Variants in MAP3K20 observed in about 807,000 individuals in gnomAD.
MAP3K20 encodes HCCS-4.
A neutral mutation model predicts 85.7 loss-of-function variants in MAP3K20; 40 were observed. The ratio of observed to expected loss-of-function variants is 0.47; its 90% CI spans 0.36 to 0.61. The LOEUF (loss-of-function observed/expected upper bound fraction) is 0.61, where lower values mean the gene tolerates loss of function less well. Among genes scored for constraint, MAP3K20 ranks in the 20% least tolerant of loss-of-function variants. The pLI is 0.00. For missense variants in MAP3K20, 817 were observed against 961.7 expected (o/e 0.85, Z 1.99); for synonymous variants, 325 against 327.7 (o/e 0.99, Z 0.09).
chr2:173,084,618 C>T (rs1203675382), intron 1 of MAP3K20, among the ~76,000 whole-genome samples: 1 of 151,950 alleles, frequency 6.6e-6, no homozygotes, highest in Non-Finnish European at 1.5e-5. Flanking sequence ...TCAATAGCAC[C>T]TTTATTTGTT....
Position 173,258,863 on chromosome 2 carries a change from C to T in MAP3K20, c.1476+48C>T, listed in dbSNP as rs1230996082. ...AAAGCTCTTTTGAATTCACAGATAT[C>T]AAACAAAGACATTAAAATACCCCAG... On this transcript the variant is annotated intron_variant, in intron 17 of 19. Transcript: ENST00000375213. 3 of 1,185,132 alleles carry T rather than the reference C, an allele frequency of 2.5e-6. No individual in the cohort carries two copies. The South Asian group carries it at 3.7e-5, about 15-fold the overall frequency. 73.4% of individuals were successfully genotyped at this position (1,185,132 alleles called of 1,614,324 possible). A position where few individuals can be genotyped will look rare whatever the true frequency, so the allele number is the denominator to read the frequency against.
At chr2:173,203,710 A>G in intron 8 of MAP3K20, 86 bp from the exon 9 acceptor site, 1 of 1,040,164 alleles carries the variant, frequency 9.6e-7, no homozygotes, top group East Asian at 2.4e-5. Flanking sequence ...AAATAACTCT[A>G]TTATGACCCT....
chr2:173,185,044 C>T (rs952473876), intron 4 of MAP3K20, among the ~76,000 whole-genome samples: 2 of 152,108 alleles, frequency 1.3e-5, no homozygotes, highest in African/African-American at 4.8e-5. Context: ...GAGTTCAAAA[C>T]CAGCCTGACC....
At chr2:173,076,026 G>C (rs1686842484) in intron 1 of MAP3K20, 24 bp downstream of exon 1, 1 of 983,904 alleles carries the variant, frequency 1.0e-6, no homozygotes, top group Admixed American at 6.2e-5. Context: ...TGGAGCCCGC[G>C]GAGGGCGGGG....
At chr2:173,224,831 TA>T in intron 11 of MAP3K20, 1 of 984,914 alleles carries the variant, frequency 1.0e-6, no homozygotes. Context: ...CTATTAATTT[TA>T]AAAGGAATAT....
Position 173,094,725 on chromosome 2 carries a change from A to G in MAP3K20, c.159+3535A>G, listed in dbSNP as rs79902752. Reference sequence around the variant, plus strand: ...TATGTAGTTTTGGCAGGAAAACTACATAGGTTGTGTGTCCTTGGTGTGTCT... The same window carrying G: ...TATGTAGTTTTGGCAGGAAAACTACGTAGGTTGTGTGTCCTTGGTGTGTCT... On this transcript the variant is annotated intron_variant, in intron 2 of 19. Transcript: ENST00000375213. 5.8e-3 allele frequency among the ~76,000 whole-genome samples: 879 copies of G among 152,304 alleles called. 10 individuals carry two copies. The highest frequency in any genetic ancestry group is 0.02 in the African/African-American group (839 of 41,552).
At chr2:173,171,521 A>G (rs1690000657) in intron 3 of MAP3K20, among the ~76,000 whole-genome samples, 2 of 152,208 alleles carry the variant, frequency 1.3e-5, no homozygotes, top group Admixed American at 1.3e-4. Flanking sequence ...TGGTGATATG[A>G]AATTCTTTCT....
chr2:173,209,590 A>G (rs1241908977), intron 9 of MAP3K20, 139 bp from the exon 10 acceptor site: 11 of 646,010 alleles, frequency 1.7e-5, no homozygotes, highest in Non-Finnish European at 2.8e-5. Flanking sequence ...TTGTAAAATA[A>G]CTACATCAGG....
intron 18 of MAP3K20, 59 bp from the exon 19 acceptor site, chr2:173,263,685 AT>A (rs1685347298): frequency 6.6e-7 from 1 of 1,517,486 alleles, no homozygotes; most frequent in Non-Finnish European, 8.9e-7. Flanking sequence ...ATGTGTGTCT[AT>A]TTGGTCATAT....
chr2:173,210,077 C>A (rs538885304), intron 10 of MAP3K20: 51 of 446,896 alleles, frequency 1.1e-4, no homozygotes, highest in Middle Eastern at 6.7e-4. Flanking sequence ...TGAGGCCGGT[C>A]GCGGTGGCTC....
chr2:173,157,584 T>C (rs1231034144), intron 2 of MAP3K20, among the ~76,000 whole-genome samples: 7 of 152,244 alleles, frequency 4.6e-5, no homozygotes, highest in Non-Finnish European at 1.0e-4. Flanking sequence ...ATTTCTCTTA[T>C]GGGATGTAAA....
intron 2 of MAP3K20, among the ~76,000 whole-genome samples, chr2:173,164,386 C>A (rs563148835): frequency 6.6e-6 from 1 of 152,178 alleles, no homozygotes; most frequent in South Asian, 2.1e-4. Context: ...TGTTCTTTGC[C>A]TACTTTTTAA....
intron 19 of MAP3K20, among the ~76,000 whole-genome samples, chr2:173,265,292 C>T (rs1342938802): frequency 6.6e-6 from 1 of 152,186 alleles, no homozygotes; most frequent in Non-Finnish European, 1.5e-5. Context: ...TGTTCAGGCT[C>T]GGGGGAAAAC....
intron 2 of MAP3K20, among the ~76,000 whole-genome samples, chr2:173,129,609 G>T (rs1688549683): frequency 6.6e-6 from 1 of 152,212 alleles, no homozygotes; most frequent in African/African-American, 2.4e-5. Context: ...GCAAATAGGA[G>T]CAGAGCTGGG....
intron 12 of MAP3K20, among the ~76,000 whole-genome samples, chr2:173,230,328 T>C (rs1171451080): frequency 2.0e-5 from 3 of 151,990 alleles, no homozygotes; most frequent in Non-Finnish European, 4.4e-5. Flanking sequence ...AAAAAAGTGA[T>C]ATTAAATCTT....
chr2:173,167,351 A>T (rs1689863199), intron 2 of MAP3K20, among the ~76,000 whole-genome samples: 1 of 151,996 alleles, frequency 6.6e-6, no homozygotes, highest in Admixed American at 6.6e-5. Flanking sequence ...ACTTGTTTTT[A>T]TTGGAGCTTA....
At chr2:173,221,051 C>G (rs768246565) in intron 11 of MAP3K20, 2 of 961,596 alleles carry the variant, frequency 2.1e-6, no homozygotes, top group Non-Finnish European at 2.8e-6. Context: ...AATCATTTAC[C>G]TCCTGTGTAG....
intron 2 of MAP3K20, among the ~76,000 whole-genome samples, chr2:173,105,947 A>G (rs1217309872): frequency 6.6e-6 from 1 of 152,210 alleles, no homozygotes; most frequent in Admixed American, 6.5e-5. Flanking sequence ...ACAAAGTTCT[A>G]TTTATAGAAA....
At chr2:173,233,508 T>C (rs1418704125) in intron 14 of MAP3K20, among the ~76,000 whole-genome samples, 1 of 152,212 alleles carries the variant, frequency 6.6e-6, no homozygotes, top group African/African-American at 2.4e-5. Flanking sequence ...TGTGTGGTCA[T>C]TGTGACTAAT....
Sources: allele counts gnomAD v4.1 joint callset (sites outside exome capture counted in the v4.1 genomes callset), GRCh38; gene constraint gnomAD v4.1.1; transcripts MANE v1.5; gene names NCBI Gene and HGNC (gene_info 2026-07-23, HGNC 2026-07-21).